Variants in LRP1B observed in about 807,000 individuals in gnomAD.
LRP1B encodes the protein low-density lipoprotein receptor-related protein 1B.
LRP1B carries 217 observed loss-of-function variants against 556.6 expected under a neutral mutation model. That is an observed-to-expected ratio of 0.39 (90% CI 0.35 to 0.44). The LOEUF (loss-of-function observed/expected upper bound fraction) is 0.44. Ranked by LOEUF, LRP1B falls within the 20% of genes least tolerant of loss-of-function variation. The pLI, the probability that LRP1B is intolerant of heterozygous loss-of-function variation, is 1.00. For missense variants in LRP1B, 5,053 were observed against 5,620.8 expected (o/e 0.90, Z 3.23); for synonymous variants, 2,047 against 1,865.8 (o/e 1.10, Z -2.50).
intron 1 of LRP1B, among the ~76,000 whole-genome samples, chr2:141,928,445 G>A (rs1182471335): frequency 6.6e-6 from 1 of 152,012 alleles, no homozygotes; most frequent in Admixed American, 6.6e-5. Context: ...TAATATAAAG[G>A]CTTTGAAACA....
At chr2:141,308,336 G>C (rs553433712) in intron 3 of LRP1B, among the ~76,000 whole-genome samples, 33 of 152,148 alleles carry the variant, frequency 2.2e-4, no homozygotes, top group African/African-American at 7.0e-4. Flanking sequence ...CCCATCCCTG[G>C]ATTTATTATA....
chr2:140,665,861 C>T (rs1383203386), intron 41 of LRP1B, among the ~76,000 whole-genome samples: 1 of 152,020 alleles, frequency 6.6e-6, no homozygotes, highest in African/African-American at 2.4e-5. Context: ...GAAAACATGA[C>T]TATCATCCTT....
At chr2:140,509,552 T>C (rs1372526622) in intron 52 of LRP1B, among the ~76,000 whole-genome samples, 2 of 152,066 alleles carry the variant, frequency 1.3e-5, no homozygotes, top group Non-Finnish European at 2.9e-5. Context: ...ATTCACAGAG[T>C]CTCTGTAACA....
chr2:141,557,937 A>G lies in LRP1B; in HGVS notation c.206-77404T>C, dbSNP rs565347130. ...GGTCCTTATTCAGCCACAGCCACCTACACAGTTGTTTTTGGCCAGAATACA... is the reference window on the plus strand; with the variant it reads ...GGTCCTTATTCAGCCACAGCCACCTGCACAGTTGTTTTTGGCCAGAATACA... On this transcript the variant is annotated intron_variant, in intron 2 of 90. Coordinates refer to ENST00000389484, the MANE Select transcript of LRP1B (RefSeq NM_018557.3). Among the ~76,000 whole-genome samples the G allele has an allele frequency of 2.6e-5, 4 of 151,978 alleles. No homozygotes were observed. In the South Asian group the frequency reaches 8.3e-4, roughly 31 times the overall value.
intron 32 of LRP1B, among the ~76,000 whole-genome samples, chr2:140,782,990 T>A (rs1430381473): frequency 6.6e-6 from 1 of 152,196 alleles, no homozygotes; most frequent in African/African-American, 2.4e-5. Context: ...CTTTTTCCAC[T>A]ACACTGCCCT....
intron 11 of LRP1B, among the ~76,000 whole-genome samples, chr2:141,025,981 C>A (rs1221369240): frequency 2.0e-5 from 3 of 152,044 alleles, no homozygotes; most frequent in African/African-American, 7.2e-5. Flanking sequence ...CAATATTCCA[C>A]TAAAATTCTT....
intron 2 of LRP1B, among the ~76,000 whole-genome samples, chr2:141,634,704 AT>A (rs1358051399): frequency 2.0e-5 from 3 of 151,930 alleles, no homozygotes; most frequent in Non-Finnish European, 2.9e-5. Flanking sequence ...TATAGCTAAT[AT>A]TTTTTATATA....
intron 1 of LRP1B, among the ~76,000 whole-genome samples, chr2:141,825,871 C>T (rs1020801267): frequency 1.3e-5 from 2 of 152,132 alleles, no homozygotes; most frequent in Admixed American, 6.5e-5. Flanking sequence ...CTCATGTTTT[C>T]AGAAGCGACA....
chr2:140,387,962 A>C (rs1573877172), intron 66 of LRP1B, among the ~76,000 whole-genome samples: 1 of 132,648 alleles, frequency 7.5e-6, no homozygotes, highest in Non-Finnish European at 1.6e-5. Flanking sequence ...CTGGAGATGG[A>C]GTCTTGCTCT....
At chr2:141,240,806 T>C (rs958319130) in intron 5 of LRP1B, among the ~76,000 whole-genome samples, 4 of 152,030 alleles carry the variant, frequency 2.6e-5, no homozygotes, top group African/African-American at 9.7e-5. Context: ...ACACGGAAGT[T>C]CTCAGCCAGA....
At chr2:140,975,895 TC>T (rs1696581720) in intron 18 of LRP1B, among the ~76,000 whole-genome samples, 1 of 152,062 alleles carries the variant, frequency 6.6e-6, no homozygotes, top group Non-Finnish European at 1.5e-5. Context: ...CTGAAACTCT[TC>T]CTTATTTCTC....
rs1682540165 is a variant in LRP1B at position 140,598,756 on chromosome 2, C to G, written c.7069G>C (p.Val2357Leu). The G allele has an allele frequency of 1.9e-6, 3 of 1,612,676 alleles. No homozygotes were observed. Among genetic ancestry groups the G allele is most frequent in the African/African-American group, 1.3e-5 (1 of 74,848 alleles). Residue 2357 changes from valine (V) to leucine (L), a missense_variant, in exon 43 of 91, where the codon GTG (valine) becomes CTG (leucine). Val to Leu is a conservative substitution (Grantham distance 32). Transcript: ENST00000389484. ...STLTGKNAQV[V>L]VSTDILTPNG... is the part of the protein sequence containing the mutation. ...GGAGTGAGTATGTCTGTACTGACCA[C>G]CACTTGAGCATTTTTCCCAGTCAGA...
chr2:140,981,520 T>A (rs1265458873), intron 18 of LRP1B, among the ~76,000 whole-genome samples: 1 of 152,138 alleles, frequency 6.6e-6, no homozygotes, highest in Non-Finnish European at 1.5e-5. Flanking sequence ...TAACGAAACA[T>A]ACTGATGCAT....
chr2:141,611,701 G>C (rs1688112995), intron 2 of LRP1B, among the ~76,000 whole-genome samples: 1 of 152,178 alleles, frequency 6.6e-6, no homozygotes, highest in Admixed American at 6.5e-5. Context: ...ATGGCCTCTA[G>C]ATGTGGTGCG....
At chr2:140,718,116 T>C (rs1173182518) in intron 35 of LRP1B, among the ~76,000 whole-genome samples, 3 of 152,106 alleles carry the variant, frequency 2.0e-5, no homozygotes, top group Non-Finnish European at 4.4e-5. Context: ...ATTAGACTTA[T>C]ACGTCCAACT....
intron 60 of LRP1B, among the ~76,000 whole-genome samples, chr2:140,460,846 G>GA (rs1687286290): frequency 1.3e-5 from 2 of 152,062 alleles, no homozygotes; most frequent in African/African-American, 4.8e-5. Context: ...TCTTTCAGAA[G>GA]AAAAGGGTTG....
chr2:142,023,174 T>C (rs1011383034), intron 1 of LRP1B, among the ~76,000 whole-genome samples: 4 of 152,170 alleles, frequency 2.6e-5, no homozygotes, highest in Admixed American at 6.5e-5. Flanking sequence ...AAGGAGAATT[T>C]TCTATAGCTT....
chr2:141,105,526 A>C (rs1318570635), intron 7 of LRP1B, among the ~76,000 whole-genome samples: 1 of 152,126 alleles, frequency 6.6e-6, no homozygotes, highest in Admixed American at 6.6e-5. Flanking sequence ...TTTCTGTTAT[A>C]AGACGGAGAA....
intron 75 of LRP1B, among the ~76,000 whole-genome samples, chr2:140,353,526 C>T (rs962887047): frequency 2.0e-5 from 3 of 152,024 alleles, no homozygotes; most frequent in Non-Finnish European, 2.9e-5. Flanking sequence ...TCCATGCCTT[C>T]GAAGGTATCA....
Sources: allele counts gnomAD v4.1 joint callset (sites outside exome capture counted in the v4.1 genomes callset), GRCh38; gene constraint gnomAD v4.1.1; transcripts MANE v1.5; gene names NCBI Gene and HGNC (gene_info 2026-07-23, HGNC 2026-07-21).